SP140: variants seen among roughly 807,000 people sequenced by gnomAD.
SP140 encodes SP140 nuclear body protein.
In SP140, 81 loss-of-function variants were observed where a neutral mutation model predicts 125.0. The ratio of observed to expected loss-of-function variants is 0.65; its 90% CI spans 0.54 to 0.78. The LOEUF is 0.78. SP140 is among the 30% of genes least tolerant of loss of function. SP140 has a pLI of 0.00. For synonymous variants in SP140, 312 were observed against 354.0 expected, an observed-to-expected ratio of 0.88 and a Z score of 1.33; for missense variants, 858 against 1,037.0, an observed-to-expected ratio of 0.83 and a Z score of 2.37.
At chr2:230,232,845 G>C (rs115583114) in intron 1 of SP140, among the ~76,000 whole-genome samples, 3,706 of 152,210 alleles carry the variant, frequency 0.024, 127 homozygotes, top group African/African-American at 0.074. Context: ...TTTTTTAACA[G>C]CCTTGAAAGA....
intron 11 of SP140, among the ~76,000 whole-genome samples, chr2:230,255,108 G>C (rs1199959901): frequency 6.6e-6 from 1 of 152,190 alleles, no homozygotes; most frequent in African/African-American, 2.4e-5. Flanking sequence ...GAGAAGGGGG[G>C]CAGAAACGCA....
chr2:230,254,444 ATCTG>A (rs1302402261), intron 11 of SP140, among the ~76,000 whole-genome samples: 6 of 152,280 alleles, frequency 3.9e-5, no homozygotes, highest in African/African-American at 1.4e-4. Flanking sequence ...AGCATTTAAT[ATCTG>A]TCTGTTAGGC....
chr2:230,233,973 T>A (rs1171710850), intron 1 of SP140, among the ~76,000 whole-genome samples: 2 of 152,244 alleles, frequency 1.3e-5, no homozygotes, highest in Non-Finnish European at 1.5e-5. Context: ...AGGGGGTCCC[T>A]AACCCCACTT....
At chr2:230,226,151 C>T (rs191456270) in intron 1 of SP140, among the ~76,000 whole-genome samples, 2 of 152,302 alleles carry the variant, frequency 1.3e-5, no homozygotes, top group Admixed American at 6.5e-5. Flanking sequence ...GCTGTTTGAA[C>T]ATCATGCCTG....
intron 1 of SP140, among the ~76,000 whole-genome samples, chr2:230,235,691 T>A (rs2047872751): frequency 6.6e-6 from 1 of 152,096 alleles, no homozygotes; most frequent in Non-Finnish European, 1.5e-5. Flanking sequence ...AGGGGAACAA[T>A]TTAGCAAGTA....
Position 230,255,548 on chromosome 2 carries a change from G to A in SP140, c.1240+16G>A, listed in dbSNP as rs115751405. 7.1e-5 allele frequency: 115 copies of A among 1,610,002 alleles called. No homozygotes were observed. Among genetic ancestry groups the A allele is most frequent in the Middle Eastern group, 2.2e-4 (1 of 4,638 alleles). On this transcript the variant is annotated intron_variant, in intron 12 of 26. Transcript: ENST00000392045. ...CGTGGGTCAGGTAAGGACGGGGGGG[G>A]GGATTTCTGGCCCTGGGCTGCAGAG...
At chr2:230,238,841 C>T in intron 3 of SP140, 1 of 1,554,268 alleles carries the variant, frequency 6.4e-7, no homozygotes. Context: ...GAGCCTAGCA[C>T]ATACTGGTAC....
At chr2:230,291,457 C>G (rs73106380) in intron 19 of SP140, among the ~76,000 whole-genome samples, 5,110 of 152,256 alleles carry the variant, frequency 0.034, 291 homozygotes, top group African/African-American at 0.12. Context: ...TAAGCAGCCA[C>G]TAATCTATTT....
At chr2:230,194,816 A>G in the SP140 span, among the ~76,000 whole-genome samples, 1 of 152,150 alleles carries the variant, frequency 6.6e-6, no homozygotes, top group African/African-American at 2.4e-5. Context: ...GTCCACCTCA[A>G]CCCCATTCCC....
intron 12 of SP140, among the ~76,000 whole-genome samples, chr2:230,267,475 G>C (rs1255162368): frequency 3.9e-5 from 6 of 152,202 alleles, no homozygotes; most frequent in African/African-American, 1.4e-4. Flanking sequence ...ATTACTGGTT[G>C]AGATGTGGAA....
chr2:230,246,728 C>T (rs879395285), intron 7 of SP140, among the ~76,000 whole-genome samples: 4 of 151,870 alleles, frequency 2.6e-5, no homozygotes, highest in Non-Finnish European at 5.9e-5. Flanking sequence ...CAGATAGAGG[C>T]ATGGAAATGA....
exon 1 of SP140, chr2:230,203,121 A>G (rs1023593543): frequency 4.1e-6 from 1 of 243,000 alleles, no homozygotes; most frequent in African/African-American, 2.3e-5. Flanking sequence ...TGTGTGGTAC[A>G]AGAGATTTCC....
chr2:230,292,528 T>C (rs141640562), intron 19 of SP140, 118 bp from the exon 20 acceptor site: 3 of 1,347,864 alleles, frequency 2.2e-6, no homozygotes, highest in Non-Finnish European at 3.1e-6. Flanking sequence ...AAGGCCAGAC[T>C]CTCCTGCTAT....
At chr2:230,188,502 G>A in the SP140 span, among the ~76,000 whole-genome samples, 8 of 152,060 alleles carry the variant, frequency 5.3e-5, no homozygotes, top group African/African-American at 1.4e-4. Context: ...TGATTGTTCT[G>A]GCTAGGACTT....
the SP140 span, among the ~76,000 whole-genome samples, chr2:230,191,090 G>C: frequency 6.6e-6 from 1 of 151,848 alleles, no homozygotes; most frequent in Non-Finnish European, 1.5e-5. Context: ...TTCTAATTCT[G>C]TGAAGAATGT....
intron 21 of SP140, 91 bp from the exon 22 acceptor site, chr2:230,297,330 C>A: frequency 7.0e-7 from 1 of 1,430,884 alleles, no homozygotes; most frequent in Non-Finnish European, 9.6e-7. Flanking sequence ...GTTCCTGAAT[C>A]CCTTCAAAGA....
At chr2:230,196,131 TTA>T in the SP140 span, among the ~76,000 whole-genome samples, 1 of 152,206 alleles carries the variant, frequency 6.6e-6, no homozygotes. Context: ...ATATAAATCA[TTA>T]TGTTTTCTGG....
At chr2:230,195,067 T>C in the SP140 span, among the ~76,000 whole-genome samples, 1 of 151,986 alleles carries the variant, frequency 6.6e-6, no homozygotes, top group African/African-American at 2.4e-5. Context: ...TTTTTTTCTG[T>C]TTTCTTTTTG....
intron 1 of SP140, chr2:230,207,945 A>C (rs758605729): frequency 2.2e-6 from 2 of 917,820 alleles, no homozygotes; most frequent in East Asian, 2.4e-5. Context: ...CAAGCCCTGC[A>C]TGAGCTGTTT....
Sources: gnomAD v4.1 joint callset for allele counts (sites outside exome capture counted in the v4.1 genomes callset) on GRCh38, gnomAD v4.1.1 for gene constraint, MANE v1.5 for transcripts, NCBI Gene and HGNC (gene_info 2026-07-23, HGNC 2026-07-21) for gene names.